The following ARL15 variants were observed in gnomAD, a reference collection of about 807,000 sequenced individuals.
The protein encoded by ARL15 is ARF like GTPase 15.
A neutral mutation model predicts 25.2 loss-of-function variants in ARL15; 19 were observed. The observed-to-expected ratio is 0.75, with a 90% CI of 0.53 to 1.10. The LOEUF (loss-of-function observed/expected upper bound fraction) is 1.10, where lower values mean the gene tolerates loss of function less well. Among genes scored for constraint, ARL15 ranks in the 50% least tolerant of loss-of-function variants. The probability of loss-of-function intolerance (pLI) is 0.00; values close to 1 mark genes in which losing one functional copy is unlikely to be tolerated. For missense variants in ARL15, 220 were observed against 246.0 expected (o/e 0.89, Z 0.71); for synonymous variants, 94 against 86.8 (o/e 1.08, Z -0.46).
chr5:53,973,533 C>A (rs1020113674), intron 4 of ARL15, among the ~76,000 whole-genome samples: 14 of 146,342 alleles, frequency 9.6e-5, no homozygotes, highest in African/African-American at 3.5e-4. Context: ...AAGATCGAGC[C>A]ATTGCGCTCC....
intron 4 of ARL15, among the ~76,000 whole-genome samples, chr5:54,035,866 A>G (rs531846889): frequency 6.6e-6 from 1 of 152,356 alleles, no homozygotes; most frequent in East Asian, 1.9e-4. Context: ...AAAATTAGCT[A>G]AAGTCTCCCA....
intron 2 of ARL15, among the ~76,000 whole-genome samples, chr5:54,161,908 T>G (rs1561248241): frequency 6.6e-6 from 1 of 152,044 alleles, no homozygotes; most frequent in African/African-American, 2.4e-5. Context: ...TCAATTCTTT[T>G]CCAAGTTACC....
At chr5:54,005,143 C>T (rs897956520) in intron 4 of ARL15, among the ~76,000 whole-genome samples, 5 of 152,126 alleles carry the variant, frequency 3.3e-5, no homozygotes, top group Admixed American at 6.5e-5. Context: ...TGAGCCACCA[C>T]GCCCAGCCCG....
intron 4 of ARL15, among the ~76,000 whole-genome samples, chr5:53,935,258 T>C (rs1746316784): frequency 6.6e-6 from 1 of 152,334 alleles, no homozygotes; most frequent in East Asian, 1.9e-4. Flanking sequence ...TCCCACTTAG[T>C]GAAGGAGCTC....
intron 4 of ARL15, among the ~76,000 whole-genome samples, chr5:53,911,458 G>A (rs1034785441): frequency 1.3e-5 from 2 of 151,260 alleles, no homozygotes; most frequent in East Asian, 1.9e-4. Context: ...TAACTGTACC[G>A]TCCAGTTCTT....
chr5:53,936,911 T>C (rs979117401), intron 4 of ARL15, among the ~76,000 whole-genome samples: 1 of 152,084 alleles, frequency 6.6e-6, no homozygotes, highest in Non-Finnish European at 1.5e-5. Flanking sequence ...ACTAAACTAA[T>C]CCCAAATGCT....
intron 4 of ARL15, among the ~76,000 whole-genome samples, chr5:53,985,686 A>G (rs570532089): frequency 4.6e-5 from 7 of 152,324 alleles, no homozygotes; most frequent in African/African-American, 1.4e-4. Context: ...ATGTGTATAT[A>G]TAGTACATTT....
chr5:53,916,895 G>A (rs766983344), intron 4 of ARL15, among the ~76,000 whole-genome samples: 6 of 152,052 alleles, frequency 3.9e-5, no homozygotes, highest in Non-Finnish European at 8.8e-5. Context: ...TCAAAGAGAT[G>A]GTTTTACCTC....
intron 4 of ARL15, among the ~76,000 whole-genome samples, chr5:53,919,797 C>G (rs941328966): frequency 2.0e-5 from 3 of 152,130 alleles, no homozygotes; most frequent in Non-Finnish European, 2.9e-5. Flanking sequence ...TCATAGCAAC[C>G]AGTGACATTG....
chr5:54,204,677 T>G (rs183849111), intron 1 of ARL15, among the ~76,000 whole-genome samples: 1 of 152,318 alleles, frequency 6.6e-6, no homozygotes, highest in African/African-American at 2.4e-5. Context: ...TACATTTCAG[T>G]GCAGATGAAT....
At chr5:54,217,200 CTT>C (rs59849804) in intron 1 of ARL15, among the ~76,000 whole-genome samples, 4,888 of 145,084 alleles carry the variant, frequency 0.034, 151 homozygotes, top group African/African-American at 0.081. Context: ...CAATGCTTTT[CTT>C]TTTTTTTTTT....
rs149675283 is a variant in ARL15 at position 54,225,222 on chromosome 5, T to C, written c.49-53294A>G. On this transcript the variant is annotated intron_variant, in intron 1 of 4. Coordinates refer to ENST00000504924, the MANE Select transcript of ARL15 (RefSeq NM_019087.3). ...GGGGAAACTCAAAATTTCAGTCAGG[T>C]TTAAAAAGAGACTGAAAAGAAGTGA... is the stretch of plus-strand genomic sequence containing the variant. Among the ~76,000 whole-genome samples the C allele has an allele frequency of 4.4e-3, 672 of 152,158 alleles. 2 individuals are homozygous for C. The highest frequency in any genetic ancestry group is 0.01 in the Middle Eastern group (3 of 294).
chr5:54,145,720 T>C (rs1007712839), intron 3 of ARL15, among the ~76,000 whole-genome samples: 2 of 152,180 alleles, frequency 1.3e-5, no homozygotes, highest in African/African-American at 4.8e-5. Flanking sequence ...AAATATTCAC[T>C]GAAGTGAATT....
rs149867340 is a variant in ARL15, at chr5:54,258,066, C to T, written c.48+52366G>A. On this transcript the variant is annotated intron_variant, in intron 1 of 4. Coordinates refer to ENST00000504924, the MANE Select transcript of ARL15 (RefSeq NM_019087.3). ...CATCCAGGCCAGGAGCAGTGGCTCA[C>T]GACTGTAATCCCAGCACTGAGGGAG... Among the ~76,000 whole-genome samples, 1,354 of 151,498 alleles carry T rather than the reference C, an allele frequency of 8.9e-3. 9 individuals are homozygous for T. The highest frequency in any genetic ancestry group is 0.016 in the Non-Finnish European group (1,079 of 67,968).
intron 4 of ARL15, chr5:54,048,234 C>G (rs1211856086): frequency 6.6e-6 from 1 of 152,098 alleles, no homozygotes; most frequent in Non-Finnish European, 1.5e-5. Context: ...CAGCCCAGAA[C>G]TCCTGGGCTC....
At chr5:54,018,408 T>C (rs552486299) in intron 4 of ARL15, among the ~76,000 whole-genome samples, 3 of 152,314 alleles carry the variant, frequency 2.0e-5, no homozygotes, top group East Asian at 1.9e-4. Context: ...TAAATTCTTA[T>C]AAGGAACATA....
chr5:54,307,420 C>T (rs985824049), intron 1 of ARL15, among the ~76,000 whole-genome samples: 1 of 152,052 alleles, frequency 6.6e-6, no homozygotes, highest in South Asian at 2.1e-4. Context: ...TGCCAGAAAC[C>T]AAGTCAGGCA....
chr5:54,284,353 C>T (rs573462423), intron 1 of ARL15, among the ~76,000 whole-genome samples: 1 of 152,318 alleles, frequency 6.6e-6, no homozygotes, highest in South Asian at 2.1e-4. Flanking sequence ...AATCCACCTC[C>T]CTCGGCCTCC....
intron 4 of ARL15, among the ~76,000 whole-genome samples, chr5:54,071,842 G>T (rs1751432439): frequency 6.6e-6 from 1 of 151,890 alleles, no homozygotes; most frequent in Admixed American, 6.5e-5. Flanking sequence ...GCATGGTGCT[G>T]GGCGCCTGTA....
Sources: allele counts gnomAD v4.1 joint callset (sites outside exome capture counted in the v4.1 genomes callset), GRCh38; gene constraint gnomAD v4.1.1; transcripts MANE v1.5; gene names NCBI Gene and HGNC (gene_info 2026-07-23, HGNC 2026-07-21).